ARSG: variants seen among roughly 807,000 people sequenced by gnomAD.
The protein encoded by ARSG is ASG.
In ARSG, 37 loss-of-function variants were observed where a neutral mutation model predicts 50.5. That is an observed-to-expected ratio of 0.73 (90% CI 0.56 to 0.96). The LOEUF (loss-of-function observed/expected upper bound fraction) is 0.96. ARSG is among the 50% of genes least tolerant of loss of function. The pLI, the probability that ARSG is intolerant of heterozygous loss-of-function variation, is 0.00. For missense variants in ARSG, 629 were observed against 675.3 expected (o/e 0.93, Z 0.76); for synonymous variants, 225 against 254.6 (o/e 0.88, Z 1.11).
chr17:68,426,402 G>A (rs1282021964), downstream of ARSG, among the ~76,000 whole-genome samples: 1 of 152,078 alleles, frequency 6.6e-6, no homozygotes, highest in Non-Finnish European at 1.5e-5. Context: ...CTACCTCTTT[G>A]AATTTTTCTT....
chr17:68,330,008 G>A (rs1435515806), intron 2 of ARSG, among the ~76,000 whole-genome samples: 3 of 152,032 alleles, frequency 2.0e-5, no homozygotes, highest in South Asian at 2.1e-4. Context: ...TTGGGGGTTC[G>A]AGACCAGCCT....
At chr17:68,327,315 T>A (rs782472109) in intron 2 of ARSG, among the ~76,000 whole-genome samples, 1 of 152,128 alleles carries the variant, frequency 6.6e-6, no homozygotes, top group Non-Finnish European at 1.5e-5. Context: ...TACCACAAAT[T>A]GAGTAGCTTA....
intron 2 of ARSG, among the ~76,000 whole-genome samples, chr17:68,325,050 T>C (rs1440969414): frequency 2.0e-5 from 3 of 152,184 alleles, no homozygotes; most frequent in African/African-American, 7.2e-5. Flanking sequence ...CAGCAGGGGT[T>C]CTCAACCCCC....
At chr17:68,344,285 A>C (rs1047168926) in intron 3 of ARSG, among the ~76,000 whole-genome samples, 1 of 152,024 alleles carries the variant, frequency 6.6e-6, no homozygotes, top group Non-Finnish European at 1.5e-5. Flanking sequence ...TCACTGCTGC[A>C]CTCCCAGATT....
At chr17:68,418,717 C>G (rs187619585) in intron 11 of ARSG, among the ~76,000 whole-genome samples, 37 of 152,264 alleles carry the variant, frequency 2.4e-4, no homozygotes, top group Non-Finnish European at 5.1e-4. Flanking sequence ...ATCCTAATCT[C>G]AGTTTTATTT....
chr17:68,343,759 T>C lies in ARSG; in HGVS notation c.374T>C (p.Leu125Pro), dbSNP rs1568493263. The change falls in exon 3 of 12, where the codon CTG becomes CCG. Residue 125 changes from leucine to proline, a missense_variant. Physicochemically the swap from Leu to Pro is moderately conservative, Grantham distance 98 (BLOSUM62 -3). Transcript: ENST00000621439. ...PLNETTLAEV[L>P]QQAGYVTGII... ...AACGAGACCACCTTGGCAGAGGTGC[T>C]GCAGCAGGCGGGTTACGTCACTGGG... 6.2e-7 allele frequency: 1 copy of C among 1,614,004 alleles called. No individual in the cohort carries two copies. Among genetic ancestry groups the C allele is most frequent in the Middle Eastern group, 1.7e-4 (1 of 6,060 alleles).
intron 1 of ARSG, among the ~76,000 whole-genome samples, chr17:68,298,372 G>GT (rs1230410164): frequency 1.3e-5 from 2 of 151,916 alleles, no homozygotes; most frequent in Non-Finnish European, 2.9e-5. Context: ...GGAGGGTGAG[G>GT]TGGGTGGATC....
chr17:68,272,374 T>G (rs2075371108), intron 1 of ARSG, among the ~76,000 whole-genome samples: 1 of 152,214 alleles, frequency 6.6e-6, no homozygotes. Context: ...TACTAGATTA[T>G]TCTGGAATGC....
intron 2 of ARSG, among the ~76,000 whole-genome samples, chr17:68,314,543 AAATT>A (rs1301378719): frequency 8.0e-6 from 1 of 125,162 alleles, no homozygotes; most frequent in African/African-American, 2.8e-5. Flanking sequence ...AAAAAAAAAA[AAATT>A]AAGTAATCTG....
chr17:68,267,949 A>G (rs2075207641), intron 1 of ARSG: 1 of 152,216 alleles, frequency 6.6e-6, no homozygotes, highest in Non-Finnish European at 1.5e-5. Flanking sequence ...TTAAATCAGA[A>G]ATGCTTTAAC....
downstream of ARSG, chr17:68,421,738 G>C (rs1442913972): frequency 1.9e-6 from 3 of 1,612,986 alleles, no homozygotes; most frequent in Admixed American, 3.3e-5. Context: ...CCACCTGATA[G>C]GGGGGATGTC....
intron 6 of ARSG, among the ~76,000 whole-genome samples, chr17:68,360,856 C>T (rs2146564261): frequency 1.3e-5 from 2 of 152,294 alleles, no homozygotes; most frequent in South Asian, 4.1e-4. Context: ...CTGAGTCTCG[C>T]TCTTGTCACC....
chr17:68,395,016 A>G, intron 9 of ARSG, 57 bp from the exon 10 acceptor site: 2 of 1,603,698 alleles, frequency 1.2e-6, no homozygotes, highest in Non-Finnish European at 1.7e-6. Context: ...TTGACACGGC[A>G]GGGTCAGGGA....
chr17:68,329,103 AGACCTCC>A (rs1480323269), intron 2 of ARSG, among the ~76,000 whole-genome samples: 2 of 152,196 alleles, frequency 1.3e-5, no homozygotes, highest in African/African-American at 4.8e-5. Context: ...CGGGTCAGGG[AGACCTCC>A]CCAGGAGGTG....
intron 6 of ARSG, among the ~76,000 whole-genome samples, chr17:68,362,209 G>A (rs1161010843): frequency 6.6e-6 from 1 of 151,590 alleles, no homozygotes; most frequent in Non-Finnish European, 1.5e-5. Context: ...TTGCCTAAGT[G>A]CCCCTGCTGT....
intron 6 of ARSG, among the ~76,000 whole-genome samples, chr17:68,360,944 C>T (rs2079254483): frequency 6.6e-6 from 1 of 152,150 alleles, no homozygotes; most frequent in African/African-American, 2.4e-5. Context: ...CCTGCCTCAG[C>T]CTCCCGAGTA....
chr17:68,336,855 CAAAT>C (rs1158778957), intron 2 of ARSG, among the ~76,000 whole-genome samples: 5 of 151,702 alleles, frequency 3.3e-5, no homozygotes, highest in Admixed American at 6.6e-5. Flanking sequence ...GACTCTGTCT[CAAAT>C]AAATAAATAA....
At chr17:68,426,249 C>A (rs1006226), downstream of ARSG, 2 of 776,012 alleles carry the variant, frequency 2.6e-6, 1 homozygote. Flanking sequence ...GGGTGGGGAG[C>A]GGGGGCTCAA....
At chr17:68,333,490 T>C (rs368772404) in intron 2 of ARSG, among the ~76,000 whole-genome samples, 10 of 151,880 alleles carry the variant, frequency 6.6e-5, no homozygotes, top group African/African-American at 2.4e-4. Context: ...TAGCCGAGCA[T>C]GGTGGTGTAC....
Sources: allele counts gnomAD v4.1 joint callset (sites outside exome capture counted in the v4.1 genomes callset), GRCh38; gene constraint gnomAD v4.1.1; transcripts MANE v1.5; gene names NCBI Gene and HGNC (gene_info 2026-07-23, HGNC 2026-07-21).